HMCN1: variants seen among roughly 807,000 people sequenced by gnomAD.
HMCN1 encodes the protein hemicentin 1.
Under a neutral mutation model 625.9 loss-of-function variants are expected in HMCN1, and 321 were observed. That is an observed-to-expected ratio of 0.51 (90% confidence interval 0.47 to 0.56). The LOEUF (loss-of-function observed/expected upper bound fraction) is 0.56, where lower values mean the gene tolerates loss of function less well. Among genes scored for constraint, HMCN1 ranks in the 20% least tolerant of loss-of-function variants. The pLI is 0.00. For synonymous variants in HMCN1, 2,425 were observed against 2,417.6 expected, an observed-to-expected ratio of 1.00 and a Z score of -0.09; for missense variants, 6,588 against 6,887.3, an observed-to-expected ratio of 0.96 and a Z score of 1.54.
At chr1:185,758,118 T>C (rs1299860172) in intron 1 of HMCN1, among the ~76,000 whole-genome samples, 3 of 152,204 alleles carry the variant, frequency 2.0e-5, no homozygotes, top group African/African-American at 4.8e-5. Context: ...ATCGTGTCAT[T>C]TGGACTGTTG....
At chr1:186,032,566 C>T (rs929175030) in intron 36 of HMCN1, among the ~76,000 whole-genome samples, 2 of 152,074 alleles carry the variant, frequency 1.3e-5, no homozygotes, top group Non-Finnish European at 2.9e-5. Flanking sequence ...CTCCTTGCTG[C>T]TACTATGTGA....
intron 48 of HMCN1, among the ~76,000 whole-genome samples, chr1:186,064,343 G>A (rs1432094682): frequency 6.6e-6 from 1 of 151,594 alleles, no homozygotes. Flanking sequence ...CTTCCTAGAG[G>A]CTGTAAATAT....
At chr1:185,811,543 A>C (rs1385563089) in intron 1 of HMCN1, among the ~76,000 whole-genome samples, 1 of 152,056 alleles carries the variant, frequency 6.6e-6, no homozygotes, top group African/African-American at 2.4e-5. Context: ...AGCTATGATC[A>C]CACCACTGCA....
chr1:186,063,096 A>ATATATATATATGTATATATG (rs1185102259), intron 48 of HMCN1, among the ~76,000 whole-genome samples: 2 of 115,404 alleles, frequency 1.7e-5, no homozygotes, highest in South Asian at 5.5e-4. Context: ...ATATATATAT[A>ATATATATATATGTATATATG]TATATATCAC....
chr1:186,088,389 C>A, intron 62 of HMCN1, 113 bp downstream of exon 62: 1 of 1,526,790 alleles, frequency 6.5e-7, no homozygotes, highest in Non-Finnish European at 9.0e-7. Flanking sequence ...GTGTTTAGTT[C>A]AAGAAGGCTA....
intron 4 of HMCN1, among the ~76,000 whole-genome samples, chr1:185,879,920 G>A (rs1050109261): frequency 6.6e-6 from 1 of 152,112 alleles, no homozygotes; most frequent in Non-Finnish European, 1.5e-5. Flanking sequence ...AGTGAGCCAG[G>A]TAACAAAATC....
At chr1:186,161,272 G>A (rs1467989651) in intron 97 of HMCN1, among the ~76,000 whole-genome samples, 1 of 151,618 alleles carries the variant, frequency 6.6e-6, no homozygotes, top group Non-Finnish European at 1.5e-5. Flanking sequence ...CCATTTGCTT[G>A]GTAGATCTTC....
At chr1:185,764,426 T>C (rs1202187024) in intron 1 of HMCN1, among the ~76,000 whole-genome samples, 2 of 152,166 alleles carry the variant, frequency 1.3e-5, no homozygotes, top group Admixed American at 6.5e-5. Context: ...TCTTATCTGA[T>C]GCTATTTTTT....
chr1:185,785,235 G>C lies in HMCN1; in HGVS notation c.268+50188G>C, dbSNP rs12092575. Among the ~76,000 whole-genome samples, 357 of 152,276 alleles carry C rather than the reference G, an allele frequency of 2.3e-3. 1 individual carries two copies. Among genetic ancestry groups the C allele is most frequent in the African/African-American group, 8.2e-3 (340 of 41,550 alleles). On this transcript the variant is annotated intron_variant, in intron 1 of 106. Coordinates refer to ENST00000271588, the MANE Select transcript of HMCN1 (RefSeq NM_031935.3). ...GGTATTGCCCAGGCTGCTTCTTAAA[G>C]TAAATTGATGACATTAGTGGAAAAT...
At chr1:185,787,002 ATTTTTCTCTATT>A (rs757078331) in intron 1 of HMCN1, among the ~76,000 whole-genome samples, 24 of 151,930 alleles carry the variant, frequency 1.6e-4, no homozygotes, top group Non-Finnish European at 2.6e-4. Context: ...TTTTCTCTTT[ATTTTTCTCTATT>A]TTAATGTAAT....
chr1:185,833,723 A>G (rs1206153923), intron 1 of HMCN1, among the ~76,000 whole-genome samples: 1 of 152,156 alleles, frequency 6.6e-6, no homozygotes, highest in Non-Finnish European at 1.5e-5. Flanking sequence ...CATACTTTTT[A>G]GGATTAAGTA....
At chr1:185,972,933 A>G (rs144112622) in intron 15 of HMCN1, among the ~76,000 whole-genome samples, 1 of 152,292 alleles carries the variant, frequency 6.6e-6, no homozygotes, top group African/African-American at 2.4e-5. Flanking sequence ...CAGATATAAT[A>G]TGTAAATGCT....
At chr1:186,152,592 T>C (rs772591236) in intron 95 of HMCN1, among the ~76,000 whole-genome samples, 158 bp from the exon 96 acceptor site, 7 of 152,220 alleles carry the variant, frequency 4.6e-5, no homozygotes, top group Non-Finnish European at 8.8e-5. Flanking sequence ...CCTAACTCTT[T>C]AATTGGGAGG....
At chr1:185,943,180 G>C (rs961084398) in intron 11 of HMCN1, among the ~76,000 whole-genome samples, 1 of 152,184 alleles carries the variant, frequency 6.6e-6, no homozygotes, top group South Asian at 2.1e-4. Context: ...GTTTTCCTGC[G>C]CTCCGAGAGC....
At chr1:185,825,076 G>T (rs1660430186) in intron 1 of HMCN1, among the ~76,000 whole-genome samples, 1 of 152,008 alleles carries the variant, frequency 6.6e-6, no homozygotes. Flanking sequence ...ACAAGAAATT[G>T]TTCAGAATGT....
intron 5 of HMCN1, among the ~76,000 whole-genome samples, chr1:185,911,186 T>C (rs1402368391): frequency 2.0e-5 from 3 of 152,114 alleles, no homozygotes; most frequent in African/African-American, 7.2e-5. Flanking sequence ...TAGAACGACA[T>C]TTATTCTGGT....
chr1:186,190,115 G>C lies in HMCN1; in HGVS notation c.*237G>C. ...TTATTTTATTTATTACACTGGAGCA[G>C]TTACTTCCCAAAGATTATTCTGAAC... is the stretch of plus-strand genomic sequence containing the variant. On this transcript the variant is annotated 3_prime_UTR_variant, in exon 107 of 107. Transcript: ENST00000271588. 1 of 554,768 alleles carries C rather than the reference G, an allele frequency of 1.8e-6. No homozygotes were observed. The highest frequency in any genetic ancestry group is 2.0e-5 in the South Asian group (1 of 48,952). 34.4% of individuals were successfully genotyped at this position (554,768 alleles called of 1,614,324 possible).
At position 186,095,230 on chromosome 1, in the gene HMCN1, G is replaced by A; in HGVS notation, c.10295-13G>A. On this transcript the variant is annotated splice_polypyrimidine_tract_variant and intron_variant, in intron 67 of 106. Coordinates refer to ENST00000271588, the MANE Select transcript of HMCN1 (RefSeq NM_031935.3). ...TAGACATCCAAATTTTGCCCATGTTGTTTTCTATGTAGCACCACCAAATAT... is the reference window on the plus strand; with the variant it reads ...TAGACATCCAAATTTTGCCCATGTTATTTTCTATGTAGCACCACCAAATAT... The A allele has an allele frequency of 6.2e-7, 1 of 1,613,514 alleles. No individual in the cohort carries two copies. The highest frequency in any genetic ancestry group is 8.5e-7 in the Non-Finnish European group (1 of 1,179,658).
chr1:186,057,649 T>C (rs758087498), intron 46 of HMCN1, among the ~76,000 whole-genome samples: 10 of 152,162 alleles, frequency 6.6e-5, no homozygotes, highest in Middle Eastern at 3.4e-3. Context: ...ACGACAGTCA[T>C]GGAGATGTCA....
Sources: gnomAD v4.1 joint callset for allele counts (sites outside exome capture counted in the v4.1 genomes callset) on GRCh38, gnomAD v4.1.1 for gene constraint, MANE v1.5 for transcripts, NCBI Gene and HGNC (gene_info 2026-07-23, HGNC 2026-07-21) for gene names.